Variants in GLRA1 observed in about 807,000 individuals in gnomAD.
The protein encoded by GLRA1 is glycine receptor alpha 1.
In GLRA1, 37 loss-of-function variants were observed where a neutral mutation model predicts 48.3. The ratio of observed to expected loss-of-function variants is 0.77; its 90% CI spans 0.59 to 1.01. The LOEUF is 1.01. Among genes scored for constraint, GLRA1 ranks in the 50% least tolerant of loss-of-function variants. GLRA1 has a pLI of 0.00. For synonymous variants in GLRA1, 196 were observed against 210.7 expected, an observed-to-expected ratio of 0.93 and a Z score of 0.60; for missense variants, 427 against 571.0, an observed-to-expected ratio of 0.75 and a Z score of 2.57.
intron 3 of GLRA1, among the ~76,000 whole-genome samples, chr5:151,880,813 A>T (rs1470142332): frequency 1.3e-5 from 2 of 152,258 alleles, no homozygotes; most frequent in Non-Finnish European, 2.9e-5. Flanking sequence ...ATGCCTACTC[A>T]AATGCGGATA....
intron 3 of GLRA1, among the ~76,000 whole-genome samples, chr5:151,886,455 C>G (rs1753909292): frequency 6.6e-6 from 1 of 152,170 alleles, no homozygotes; most frequent in African/African-American, 2.4e-5. Flanking sequence ...AAAAATTTGA[C>G]TTGTTGTATA....
In GLRA1 at chr5:151,856,388, G is replaced by A. The variant is rs560187719; in HGVS notation, c.477-5C>T. On this transcript the variant is annotated splice_polypyrimidine_tract_variant and splice_region_variant and intron_variant, in intron 4 of 8. Transcript: ENST00000274576. ...CAGGCCAGTGTCAGGGTGATTCTGGGAAGAGAAGGGATTTTGAATGATGCA... is the reference window on the plus strand; with the variant it reads ...CAGGCCAGTGTCAGGGTGATTCTGGAAAGAGAAGGGATTTTGAATGATGCA... The A allele has an allele frequency of 2.7e-5, 43 of 1,590,906 alleles. No individual in the cohort carries two copies. The highest frequency in any genetic ancestry group is 3.5e-5 in the Non-Finnish European group (40 of 1,159,368).
intron 6 of GLRA1, among the ~76,000 whole-genome samples, chr5:151,854,596 A>G (rs1194048100): frequency 2.6e-5 from 4 of 152,354 alleles, no homozygotes; most frequent in East Asian, 1.9e-4. Flanking sequence ...CTGACCTCTC[A>G]TAGCTCACAG....
intron 1 of GLRA1, among the ~76,000 whole-genome samples, chr5:151,899,564 T>G (rs1467600021): frequency 6.6e-6 from 1 of 152,080 alleles, no homozygotes; most frequent in African/African-American, 2.4e-5. Context: ...CATCCCCGGC[T>G]CTGACCCCAA....
chr5:151,911,008 C>A (rs1305755523), intron 1 of GLRA1, among the ~76,000 whole-genome samples: 1 of 152,172 alleles, frequency 6.6e-6, no homozygotes, highest in African/African-American at 2.4e-5. Context: ...GGATAATGAA[C>A]AAATTATTCT....
chr5:151,849,144 C>CTTTCTTTCTTTCTT (rs1561554410), intron 7 of GLRA1: 5 of 184,694 alleles, frequency 2.7e-5, no homozygotes, highest in Non-Finnish European at 4.8e-5. Context: ...TTCTTTCTTT[C>CTTTCTTTCTTTCTT]TTTCTTTCTT....
At chr5:151,859,665 G>C in intron 4 of GLRA1, 120 bp downstream of exon 4, 1 of 734,128 alleles carries the variant, frequency 1.4e-6, no homozygotes, top group Non-Finnish European at 2.5e-6. Flanking sequence ...TTCTGCAAAG[G>C]TGTTGGGTTG....
rs768306426 is a variant in GLRA1 at position 151,886,703 on chromosome 5, G to A, written c.252+18C>T. The stretch of plus-strand genomic sequence containing the variant: ...TATCTCCAGCAGGAACTAACAGCTT[G>A]TGTTTTGACTTACTCACCATGGTTG... On this transcript the variant is annotated intron_variant, in intron 3 of 8. Transcript: ENST00000274576. 6.4e-7 allele frequency: 1 copy of A among 1,555,568 alleles called. No individual in the cohort carries two copies. Among genetic ancestry groups the A allele is most frequent in the Non-Finnish European group, 8.9e-7 (1 of 1,126,626 alleles).
intron 1 of GLRA1, among the ~76,000 whole-genome samples, chr5:151,911,238 A>G (rs765519175): frequency 1.1e-4 from 17 of 152,176 alleles, no homozygotes; most frequent in Non-Finnish European, 1.9e-4. Context: ...TTTATGGCCC[A>G]GTTTAATTAT....
chr5:151,917,418 T>A (rs956327207), intron 1 of GLRA1, among the ~76,000 whole-genome samples: 4 of 152,216 alleles, frequency 2.6e-5, no homozygotes, highest in Admixed American at 2.6e-4. Flanking sequence ...TTTGATAATC[T>A]GTATTTCATT....
At chr5:151,834,950 C>T (rs961949924) in intron 7 of GLRA1, among the ~76,000 whole-genome samples, 2 of 147,280 alleles carry the variant, frequency 1.4e-5, no homozygotes, top group African/African-American at 5.0e-5. Flanking sequence ...ATAGCGTGAA[C>T]CCGAGAAGTG....
intron 2 of GLRA1, among the ~76,000 whole-genome samples, chr5:151,889,400 A>AT (rs1754000069): frequency 6.6e-6 from 1 of 152,242 alleles, no homozygotes; most frequent in Non-Finnish European, 1.5e-5. Flanking sequence ...CTGCTGGATC[A>AT]TTTTACAGAT....
At chr5:151,918,884 G>C (rs1010178139) in intron 1 of GLRA1, among the ~76,000 whole-genome samples, 1 of 152,100 alleles carries the variant, frequency 6.6e-6, no homozygotes, top group Non-Finnish European at 1.5e-5. Flanking sequence ...AAATTTGTAA[G>C]AGTGCATTAA....
intron 7 of GLRA1, among the ~76,000 whole-genome samples, chr5:151,831,153 G>A (rs191912414): frequency 4.6e-5 from 7 of 152,350 alleles, no homozygotes; most frequent in African/African-American, 1.4e-4. Flanking sequence ...TTTGCAACCC[G>A]CAGAAAAGGA....
intron 3 of GLRA1, among the ~76,000 whole-genome samples, chr5:151,883,857 C>T (rs1163259466): frequency 1.3e-5 from 2 of 152,152 alleles, no homozygotes; most frequent in Admixed American, 6.5e-5. Context: ...TGTCTAATTA[C>T]TCTGCTACAC....
At chr5:151,902,558 A>G (rs1288067867) in intron 1 of GLRA1, among the ~76,000 whole-genome samples, 1 of 152,150 alleles carries the variant, frequency 6.6e-6, no homozygotes, top group Non-Finnish European at 1.5e-5. Context: ...AGGTTAGTCA[A>G]CTTTATTCAT....
intron 1 of GLRA1, 97 bp from the exon 2 acceptor site, chr5:151,892,535 G>C: frequency 1.5e-6 from 2 of 1,337,060 alleles, no homozygotes; most frequent in Non-Finnish European, 2.1e-6. Context: ...AACCACAAGA[G>C]TGTTCTTAGC....
intron 1 of GLRA1, among the ~76,000 whole-genome samples, chr5:151,906,726 T>TA (rs1469054643): frequency 6.6e-6 from 1 of 152,214 alleles, no homozygotes; most frequent in Non-Finnish European, 1.5e-5. Context: ...TTTGTGTATC[T>TA]ATTGTACAGA....
chr5:151,894,788 ATATT>A (rs1238484778), intron 1 of GLRA1, among the ~76,000 whole-genome samples: 2 of 152,228 alleles, frequency 1.3e-5, no homozygotes, highest in Non-Finnish European at 2.9e-5. Flanking sequence ...GTGTTCATAA[ATATT>A]TATACATGGA....
Sources: allele counts gnomAD v4.1 joint callset (sites outside exome capture counted in the v4.1 genomes callset), GRCh38; gene constraint gnomAD v4.1.1; transcripts MANE v1.5; gene names NCBI Gene and HGNC (gene_info 2026-07-23, HGNC 2026-07-21).